The following MS4A6A variants were observed in gnomAD, a reference collection of about 807,000 sequenced individuals.
MS4A6A encodes the protein membrane-spanning 4-domains subfamily A member 6A.
A neutral mutation model predicts 20.6 loss-of-function variants in MS4A6A; 19 were observed. The ratio of observed to expected loss-of-function variants is 0.92; its 90% confidence interval spans 0.64 to 1.36. MS4A6A has a LOEUF of 1.36. Among genes scored for constraint, MS4A6A ranks in the 40% most tolerant of loss-of-function variants. MS4A6A has a pLI of 0.00. For synonymous variants in MS4A6A, 108 were observed against 105.0 expected (o/e 1.03, Z -0.17); for missense variants, 272 against 261.1 (o/e 1.04, Z -0.29).
At position 60,172,560 on chromosome 11, in the gene MS4A6A, G is replaced by T. The variant is rs1304493721; in HGVS notation, c.*441C>A. On this transcript the variant is annotated 3_prime_UTR_variant, in exon 6 of 6. Transcript: ENST00000528851. ...GGCAAACGAATTTTAAGATCACCAG[G>T]GGCAAATGCAGAGCATAAGACATTC... 17 of 1,122,856 alleles carry T rather than the reference G, an allele frequency of 1.5e-5. No homozygotes were observed. Among genetic ancestry groups the T allele is most frequent in the Non-Finnish European group, 1.9e-5 (17 of 915,412 alleles). 69.6% of individuals were successfully genotyped at this position (1,122,856 alleles called of 1,614,324 possible).
At chr11:60,178,143 A>G (rs1287628645) in intron 4 of MS4A6A, 117 bp downstream of exon 4, 13 of 907,208 alleles carry the variant, frequency 1.4e-5, no homozygotes, top group Non-Finnish European at 2.1e-5. Flanking sequence ...TCTAACAACA[A>G]CCAACTGCTC....
At chr11:60,180,063 G>A in intron 2 of MS4A6A, 98 bp from the exon 3 acceptor site, 1 of 1,207,316 alleles carries the variant, frequency 8.3e-7, no homozygotes, top group South Asian at 1.5e-5. Context: ...ATCGCCTTCT[G>A]CAAGATCCTA....
chr11:60,178,265 G>T lies in MS4A6A; in HGVS notation c.334C>A (p.Leu112Ile), dbSNP rs778777907. 38 of 1,612,552 alleles carry T rather than the reference G, an allele frequency of 2.4e-5. No homozygotes were observed. The highest frequency in any genetic ancestry group is 2.7e-5 in the Non-Finnish European group (32 of 1,178,726). The change falls in exon 4 of 6, where the codon CTT becomes ATT. Residue 112 changes from leucine to isoleucine, a missense_variant. Transcript: ENST00000528851. ...SIATEKRLTK[L>I]LVHSSLVGSI... is the part of the protein sequence containing the mutation. ...GTTATAGCTCTCTTACTCACCAAAA[G>T]CTTGGTTAACCTTTTCTCTGTGGCG...
chr11:60,178,033 A>G (rs1856935177), intron 4 of MS4A6A: 1 of 526,724 alleles, frequency 1.9e-6, no homozygotes, highest in Admixed American at 3.7e-5. Context: ...GGGCAGAGGG[A>G]ATATTATAAT....
intron 3 of MS4A6A, chr11:60,178,802 C>A (rs1436480600): frequency 9.1e-6 from 4 of 440,632 alleles, no homozygotes; most frequent in Non-Finnish European, 1.8e-5. Context: ...ACCTCATCAT[C>A]ACCACCCAAA....
intron 2 of MS4A6A, 84 bp from the exon 3 acceptor site, chr11:60,180,049 C>A: frequency 1.5e-6 from 2 of 1,346,966 alleles, no homozygotes; most frequent in Non-Finnish European, 1.0e-6. Context: ...GGCACTAATG[C>A]ATTATCGCCT....
intron 2 of MS4A6A, 32 bp downstream of exon 2, chr11:60,181,549 C>T (rs773320594): frequency 1.2e-6 from 2 of 1,612,770 alleles, no homozygotes; most frequent in Non-Finnish European, 1.7e-6. Flanking sequence ...CTTCCCCCAA[C>T]CCCTCTCCAA....
chr11:60,179,614 AGAT>A (rs1857022317), intron 3 of MS4A6A: 1 of 633,316 alleles, frequency 1.6e-6, no homozygotes, highest in Non-Finnish European at 2.8e-6. Context: ...GTGAAGAATA[AGAT>A]GATCTTCAAA....
At chr11:60,183,278 A>G, upstream of MS4A6A, 8 of 1,131,938 alleles carry the variant, frequency 7.1e-6, no homozygotes, top group Non-Finnish European at 8.8e-6. Context: ...ACTTCGAGAC[A>G]TACAAGTTTC....
rs77073789 is a variant in MS4A6A, at chr11:60,178,909, A to G, written c.283-593T>C. 3.5e-3 allele frequency: 1,380 copies of G among 392,568 alleles called. 17 individuals carry two copies. Among genetic ancestry groups the G allele is most frequent in the African/African-American group, 0.027 (1,268 of 46,520 alleles). The allele number at this position is 392,568 out of a possible 1,614,324, so 24.3% of individuals were successfully genotyped here. On this transcript the variant is annotated intron_variant, in intron 3 of 5. Coordinates refer to ENST00000528851, the MANE Select transcript of MS4A6A (RefSeq NM_022349.4). ...ATCTCAGCCAGCGCTACCCAAAACT[A>G]TCAAAGTTCTCAAGGAAAAGGAAAA...
chr11:60,178,055 A>G, intron 4 of MS4A6A: 1 of 567,558 alleles, frequency 1.8e-6, no homozygotes, highest in Non-Finnish European at 3.1e-6. Context: ...CCCTGAATGC[A>G]GACTTTGATG....
chr11:60,175,151 A>G (rs1208868466), intron 5 of MS4A6A, among the ~76,000 whole-genome samples: 1 of 151,400 alleles, frequency 6.6e-6, no homozygotes, highest in Non-Finnish European at 1.5e-5. Context: ...TAGTTTGATA[A>G]TTAAGAACCT....
Position 60,181,592 on chromosome 11 carries a change from T to A in MS4A6A, c.136A>T (p.Lys46Ter). Residue 46 changes from lysine (K) to a stop codon, truncating the protein, a stop_gained, in exon 2 of 6, where the codon AAA becomes TAA. Transcript: ENST00000528851. LOFTEE classifies it high-confidence loss of function. The part of the protein sequence containing the change: ...SLKKHLHAEI[K>*]VIGTIQILCG... Reference sequence around the variant, plus strand: ...TGAATTAGATTTACCCCAATAACTTTGATTTCTGCGTGTAGATGTTTCTTC... The same window carrying A: ...TGAATTAGATTTACCCCAATAACTTAGATTTCTGCGTGTAGATGTTTCTTC... 1 of 1,614,090 alleles carries A rather than the reference T, an allele frequency of 6.2e-7. No homozygotes were observed. The highest frequency in any genetic ancestry group is 8.5e-7 in the Non-Finnish European group (1 of 1,179,986).
intron 5 of MS4A6A, among the ~76,000 whole-genome samples, chr11:60,174,270 G>A (rs1217857580): frequency 2.0e-5 from 3 of 151,678 alleles, no homozygotes; most frequent in Non-Finnish European, 4.4e-5. Flanking sequence ...CTGAGTTCTT[G>A]GCTTATCTTG....
At chr11:60,182,479 C>T (rs1254609192) in intron 1 of MS4A6A, 2 of 152,220 alleles carry the variant, frequency 1.3e-5, no homozygotes, top group Non-Finnish European at 2.9e-5. Flanking sequence ...ATCATTCTAC[C>T]TCTTCCTAAT....
intron 5 of MS4A6A, among the ~76,000 whole-genome samples, chr11:60,175,008 A>C (rs2134766546): frequency 6.6e-6 from 1 of 152,134 alleles, no homozygotes; most frequent in East Asian, 1.9e-4. Context: ...CTTACCATGC[A>C]CACATACTGT....
intron 4 of MS4A6A, chr11:60,177,125 A>G (rs569312870): frequency 6.6e-6 from 1 of 152,334 alleles, no homozygotes; most frequent in South Asian, 2.1e-4. Context: ...CATTTCCATC[A>G]TCATAGAAAG....
intron 1 of MS4A6A, 94 bp downstream of exon 1, chr11:60,182,884 A>C (rs1464723367): frequency 3.3e-6 from 2 of 611,374 alleles, no homozygotes; most frequent in Non-Finnish European, 2.3e-6. Flanking sequence ...AGTGTCTCTT[A>C]ACTGCTGTCA....
At chr11:60,175,334 G>T in intron 5 of MS4A6A, 68 bp downstream of exon 5, 1 of 1,299,750 alleles carries the variant, frequency 7.7e-7, no homozygotes. Flanking sequence ...TTCAAAAGAA[G>T]GAATAACAAG....
Sources: gnomAD v4.1 joint callset for allele counts (sites outside exome capture counted in the v4.1 genomes callset) on GRCh38, gnomAD v4.1.1 for gene constraint, MANE v1.5 for transcripts, NCBI Gene and HGNC (gene_info 2026-07-23, HGNC 2026-07-21) for gene names.